Variants in RASGRF1 observed in about 807,000 individuals in gnomAD.
RASGRF1 encodes the protein Ras protein specific guanine nucleotide releasing factor 1.
In RASGRF1, 40 loss-of-function variants were observed where a neutral mutation model predicts 138.7. That is an observed-to-expected ratio of 0.29 (90% CI 0.22 to 0.38). RASGRF1 has a LOEUF of 0.38. Among genes scored for constraint, RASGRF1 ranks in the 10% least tolerant of loss-of-function variants. The probability of loss-of-function intolerance (pLI) is 1.00; values close to 1 mark genes in which losing one functional copy is unlikely to be tolerated. For synonymous variants in RASGRF1, 614 were observed against 663.2 expected, an observed-to-expected ratio of 0.93 and a Z score of 1.14; for missense variants, 1,108 against 1,650.4, an observed-to-expected ratio of 0.67 and a Z score of 5.69.
chr15:78,963,345 A>T (rs2055584145), intron 26 of RASGRF1, among the ~76,000 whole-genome samples: 1 of 151,608 alleles, frequency 6.6e-6, no homozygotes, highest in Admixed American at 6.6e-5. Context: ...TCTGTCGCCC[A>T]GTCTGGAGTG....
rs1000994655 is a variant in RASGRF1 at position 79,073,359 on chromosome 15, T to A, written c.277-8833A>T. On this transcript the variant is annotated intron_variant, in intron 1 of 26. Coordinates refer to ENST00000558480, the MANE Select transcript of RASGRF1 (RefSeq NM_001145648.3). The surrounding 1 kb of genome is among the most constrained non-coding windows in gnomAD (Gnocchi z 4.2). The stretch of plus-strand genomic sequence containing the variant: ...GCTGGGGCTCTTCCCTTAACTGGAC[T>A]GGAGCCAGGTAGAGCAAGGGCTCCC... Among the ~76,000 whole-genome samples, 49 of 152,126 alleles carry A rather than the reference T, an allele frequency of 3.2e-4. No homozygotes were observed. The highest frequency in any genetic ancestry group is 1.2e-3 in the African/African-American group (49 of 41,442).
At chr15:78,987,120 A>G (rs28566661) in intron 22 of RASGRF1, among the ~76,000 whole-genome samples, 45,905 of 152,082 alleles carry the variant, frequency 0.3, 7,354 homozygotes, top group African/African-American at 0.41. Flanking sequence ...TTACACACCC[A>G]TTTGTTTAAT....
At chr15:79,089,986 G>A (rs1030105249) in intron 1 of RASGRF1, among the ~76,000 whole-genome samples, 5 of 152,160 alleles carry the variant, frequency 3.3e-5, no homozygotes, top group African/African-American at 9.7e-5. Flanking sequence ...GGGCTCGTCC[G>A]GCGAAGGGCA....
intron 5 of RASGRF1, among the ~76,000 whole-genome samples, chr15:79,036,027 C>T (rs543201952): frequency 6.6e-6 from 1 of 152,228 alleles, no homozygotes; most frequent in Non-Finnish European, 1.5e-5. Flanking sequence ...GGCCTTCCCC[C>T]CAACCCGTTT....
At chr15:78,962,456 TAA>T (rs1216382000) in intron 26 of RASGRF1, among the ~76,000 whole-genome samples, 2 of 152,310 alleles carry the variant, frequency 1.3e-5, no homozygotes, top group East Asian at 3.9e-4. Context: ...GTCATAATAT[TAA>T]GGCTGGTACA....
intron 24 of RASGRF1, chr15:78,979,200 C>A: frequency 7.9e-7 from 1 of 1,266,028 alleles, no homozygotes; most frequent in Non-Finnish European, 1.0e-6. Flanking sequence ...ATGGGTGCAA[C>A]ATCTGTCTGA....
At chr15:79,088,584 C>T (rs1317532303) in intron 1 of RASGRF1, among the ~76,000 whole-genome samples, 3 of 152,162 alleles carry the variant, frequency 2.0e-5, no homozygotes, top group Non-Finnish European at 4.4e-5. Flanking sequence ...TTCCCCCACC[C>T]CTCACTTCCT....
At chr15:78,984,721 C>T (rs1031824956) in intron 23 of RASGRF1, 3 of 434,608 alleles carry the variant, frequency 6.9e-6, no homozygotes, top group African/African-American at 4.0e-5. Context: ...CTTGCCCCAA[C>T]TCCAGAAGAA....
rs115595042 is a variant in RASGRF1, at chr15:78,980,780, C to T, written c.3415-81G>A. 6 of 1,073,066 alleles carry T rather than the reference C, an allele frequency of 5.6e-6. No individual in the cohort carries two copies. The East Asian group carries it at 1.2e-4, about 22-fold the overall frequency. The allele number at this position is 1,073,066 out of a possible 1,614,324, so 66.5% of individuals were successfully genotyped here. ...CCCGGGGATCAGGCCCACACTCCAA[C>T]ATGCTGCCCAACAGGGCTCCAGAAT... On this transcript the variant is annotated intron_variant, in intron 23 of 26. Coordinates refer to ENST00000558480, the MANE Select transcript of RASGRF1 (RefSeq NM_001145648.3).
chr15:79,010,720 T>A (rs1037116103), intron 13 of RASGRF1, among the ~76,000 whole-genome samples: 13 of 152,320 alleles, frequency 8.5e-5, no homozygotes, highest in Admixed American at 3.3e-4. Flanking sequence ...CTTTCTTTTT[T>A]CCCAGGGAGA....
intron 8 of RASGRF1, among the ~76,000 whole-genome samples, chr15:79,028,530 C>T (rs2057093123): frequency 6.6e-6 from 1 of 151,956 alleles, no homozygotes; most frequent in Non-Finnish European, 1.5e-5. Flanking sequence ...GCTGTAATAC[C>T]CCTCCTCTCC....
chr15:79,017,679 A>C (rs1595906955), intron 12 of RASGRF1, 91 bp downstream of exon 12: 57 of 1,323,832 alleles, frequency 4.3e-5, no homozygotes, highest in Non-Finnish European at 4.7e-5. Context: ...CTACTCCACC[A>C]CCCCCACCCC....
Position 78,998,378 on chromosome 15 carries a change from G to A in RASGRF1, c.2854-170C>T, listed in dbSNP as rs1193761409. ...TGGCAGGGCATGAGAGGCTCTCCAG[G>A]CCTAGAGAATCTTAGATAAAGGCAC... On this transcript the variant is annotated intron_variant, in intron 18 of 26. Transcript: ENST00000558480. 4 of 659,420 alleles carry A rather than the reference G, an allele frequency of 6.1e-6. No homozygotes were observed. In the Admixed American group the frequency reaches 8.5e-5, roughly 14 times the overall value. The allele number at this position is 659,420 out of a possible 1,614,324, so 40.8% of individuals were successfully genotyped here.
Position 79,040,467 on chromosome 15 carries a change from T to C in RASGRF1, c.879-5257A>G, listed in dbSNP as rs1049775220. Among the ~76,000 whole-genome samples, 6 of 151,966 alleles carry C rather than the reference T, an allele frequency of 3.9e-5. No individual in the cohort carries two copies. The Admixed American group carries it at 4.0e-4, about 10-fold the overall frequency. On this transcript the variant is annotated intron_variant, in intron 5 of 26. Transcript: ENST00000558480. ...CCTTAACTTGGCCTTCAACACCCTG[T>C]AGGAACTGCCTCTGTCTGTCTCATG...
At chr15:78,991,839 C>T (rs148974934) in intron 20 of RASGRF1, 45 bp from the exon 21 acceptor site, 199 of 1,492,604 alleles carry the variant, frequency 1.3e-4, no homozygotes, top group East Asian at 6.6e-4. Context: ...AGGCCCATGA[C>T]GGACACCTCC....
At chr15:79,039,282 G>A (rs975666006) in intron 5 of RASGRF1, among the ~76,000 whole-genome samples, 13 of 115,638 alleles carry the variant, frequency 1.1e-4, no homozygotes, top group Non-Finnish European at 1.8e-4. Context: ...GGGCAACAGA[G>A]TGAGACCCTG....
chr15:79,083,714 G>C (rs144339452), intron 1 of RASGRF1, among the ~76,000 whole-genome samples: 112 of 152,316 alleles, frequency 7.4e-4, no homozygotes, highest in Non-Finnish European at 2.5e-4. Context: ...GACCTCCTGG[G>C]TTCATGGCCC....
chr15:78,963,857 G>T (rs1596304929), intron 26 of RASGRF1, among the ~76,000 whole-genome samples: 1 of 152,320 alleles, frequency 6.6e-6, no homozygotes, highest in Non-Finnish European at 1.5e-5. Context: ...GCGATTTTAT[G>T]ACCATGTGAA....
chr15:78,967,070 A>G (rs1405611891), intron 26 of RASGRF1, among the ~76,000 whole-genome samples: 1 of 152,204 alleles, frequency 6.6e-6, no homozygotes, highest in Non-Finnish European at 1.5e-5. Flanking sequence ...TGGGAGGCCA[A>G]GACGACAGGA....
Sources: allele counts gnomAD v4.1 joint callset (sites outside exome capture counted in the v4.1 genomes callset), GRCh38; gene constraint gnomAD v4.1.1; non-coding constraint Gnocchi (gnomAD v3.1); transcripts MANE v1.5; gene names NCBI Gene and HGNC (gene_info 2026-07-23, HGNC 2026-07-21).